Variants in MCOLN3 observed in about 807,000 individuals in gnomAD.
The protein encoded by MCOLN3 is mucolipin TRP cation channel 3.
In MCOLN3, 62 loss-of-function variants were observed where a neutral mutation model predicts 69.4. That is an observed-to-expected ratio of 0.89 (90% confidence interval 0.73 to 1.10). The LOEUF (loss-of-function observed/expected upper bound fraction) is 1.10, where lower values mean the gene tolerates loss of function less well. Ranked by LOEUF, MCOLN3 falls within the 50% of genes least tolerant of loss-of-function variation. The pLI is 0.00. For synonymous variants in MCOLN3, 183 were observed against 217.0 expected (o/e 0.84, Z 1.38); for missense variants, 564 against 656.4 (o/e 0.86, Z 1.54).
At chr1:85,038,465 C>G (rs1311831045) in intron 3 of MCOLN3, among the ~76,000 whole-genome samples, 1 of 152,050 alleles carries the variant, frequency 6.6e-6, no homozygotes, top group Non-Finnish European at 1.5e-5. Flanking sequence ...ATATAATAAA[C>G]AGTAGTGCTG....
At chr1:85,028,996 A>C (rs1652365882) in intron 7 of MCOLN3, 110 bp downstream of exon 7, 1 of 687,200 alleles carries the variant, frequency 1.5e-6, no homozygotes. Flanking sequence ...GGGACTTGAA[A>C]ATGGTCTAAT....
rs573413753 is a variant in MCOLN3, at chr1:85,034,147, G to A, written c.501C>T (p.Asn167=). Residue 167 remains asparagine, a synonymous_variant, in exon 4 of 13, where the codon AAC becomes AAT. Transcript: ENST00000370589. ...CAAAGGTATCATTTCCAGGGTAGAT[G>A]TTTCCTCGCTTGTAGAAGTGCTGAC... ...AICQHFYKRG[N]IYPGNDTFDI... is the part of the protein sequence containing the mutation. 1.8e-5 allele frequency: 29 copies of A among 1,614,216 alleles called. 1 individual carries two copies. The East Asian group carries it at 3.3e-4, about 19-fold the overall frequency.
chr1:85,047,988 G>C (rs1653461180), intron 1 of MCOLN3, among the ~76,000 whole-genome samples: 1 of 152,176 alleles, frequency 6.6e-6, no homozygotes, highest in South Asian at 2.1e-4. Context: ...CCTTGAAAGG[G>C]GCCAGCCGAG....
Position 85,022,175 on chromosome 1 carries a change from A to G in MCOLN3, c.1215T>C (p.Leu405=), listed in dbSNP as rs1379790146. 1.2e-6 allele frequency: 2 copies of G among 1,614,116 alleles called. No homozygotes were observed. Among genetic ancestry groups the G allele is most frequent in the Admixed American group, 3.3e-5 (2 of 60,008 alleles). The change falls in exon 11 of 13, where the codon CTT becomes CTC. Residue 405 remains leucine (L), a synonymous_variant. Transcript: ENST00000370589. ...TGATGACATTGGGCAGCGCTGCCTG[A>G]AGGGTCAAAATGAGGAGCTGGGAAA... ...FAKYNLLILT[L]QAALPNVIRF...
intron 1 of MCOLN3, among the ~76,000 whole-genome samples, chr1:85,046,306 TGGG>T (rs34361194): frequency 0.018 from 2,688 of 151,144 alleles, 24 homozygotes; most frequent in Non-Finnish European, 0.024. Context: ...CATATCTATT[TGGG>T]GGGGGGGGCA....
In MCOLN3 at chr1:85,019,037, ATAC is replaced by A. The variant is rs1354160753; in HGVS notation, c.*83_*85del. On this transcript the variant is annotated 3_prime_UTR_variant, in exon 13 of 13. Coordinates refer to ENST00000370589, the MANE Select transcript of MCOLN3 (RefSeq NM_018298.11). ...TAGCTCAAAATAACAGTCTTCAAAC[ATAC>A]TACATCTGATCTCAGAATATCCACA... The A allele has an allele frequency of 1.5e-6, 2 of 1,325,496 alleles. No homozygotes were observed. Among genetic ancestry groups the A allele is most frequent in the Non-Finnish European group, 2.1e-6 (2 of 960,394 alleles). 82.1% of individuals were successfully genotyped at this position (1,325,496 alleles called of 1,614,324 possible). A position where few individuals can be genotyped will look rare whatever the true frequency, so the allele number is the denominator to read the frequency against.
At chr1:85,032,605 T>C (rs1652593659) in intron 6 of MCOLN3, 91 bp downstream of exon 6, 1 of 942,266 alleles carries the variant, frequency 1.1e-6, no homozygotes, top group South Asian at 1.3e-5. Context: ...CTATATTTTT[T>C]TATCACACCG....
chr1:85,048,087 C>T (rs893618), intron 1 of MCOLN3, among the ~76,000 whole-genome samples: 19,803 of 152,294 alleles, frequency 0.13, 1,444 homozygotes, highest in East Asian at 0.25. Context: ...CCCTCTGAGC[C>T]CTGGCCACAG....
rs1651914051 is a variant in MCOLN3, at chr1:85,021,198, T to A, written c.1399A>T (p.Met467Leu). The A allele has an allele frequency of 2.5e-6, 4 of 1,613,904 alleles. No individual in the cohort carries two copies. Among genetic ancestry groups the A allele is most frequent in the Non-Finnish European group, 3.4e-6 (4 of 1,179,896 alleles). ...CAGACTAAGTAACTTTTTTGCTGCA[T>A]TTTTGCAAACGTGGCAAACATATCA... ...GDDMFATFAK[M>L]QQKSYLVWLF... Residue 467 changes from methionine (M) to leucine (L), a missense_variant, in exon 12 of 13, where the codon ATG (methionine) becomes TTG (leucine). Physicochemically the swap from Met to Leu is conservative, Grantham distance 15. Transcript: ENST00000370589.
At chr1:85,029,298 A>AT in intron 6 of MCOLN3, 93 bp from the exon 7 acceptor site, 1 of 724,546 alleles carries the variant, frequency 1.4e-6, no homozygotes, top group East Asian at 2.6e-5. Context: ...TTTCAAGGGG[A>AT]CAGGAGACCC....
At chr1:85,028,088 T>C (rs1354926715) in intron 7 of MCOLN3, among the ~76,000 whole-genome samples, 2 of 152,214 alleles carry the variant, frequency 1.3e-5, no homozygotes, top group African/African-American at 4.8e-5. Context: ...TATGCTGTCA[T>C]TTTCCTCATT....
chr1:85,032,324 C>T (rs1395557019), intron 6 of MCOLN3, among the ~76,000 whole-genome samples: 1 of 152,116 alleles, frequency 6.6e-6, no homozygotes, highest in African/African-American at 2.4e-5. Context: ...GTAACAAGAA[C>T]CCTTGGCAGT....
chr1:85,021,008 T>C, intron 12 of MCOLN3, 62 bp downstream of exon 12: 14 of 1,295,806 alleles, frequency 1.1e-5, no homozygotes, highest in Non-Finnish European at 1.5e-5. Flanking sequence ...AGGTACTGAA[T>C]TTTACTGCTA....
intron 7 of MCOLN3, among the ~76,000 whole-genome samples, chr1:85,027,060 C>T (rs1184586285): frequency 1.3e-5 from 2 of 151,922 alleles, no homozygotes; most frequent in Non-Finnish European, 2.9e-5. Flanking sequence ...AGGCCCATCT[C>T]CCTGCATATT....
At chr1:85,035,982 A>G (rs1442434967) in intron 3 of MCOLN3, among the ~76,000 whole-genome samples, 1 of 152,212 alleles carries the variant, frequency 6.6e-6, no homozygotes, top group Non-Finnish European at 1.5e-5. Flanking sequence ...TCACCTTGTC[A>G]GAGAGACCTT....
At chr1:85,045,433 C>G (rs992305291) in intron 1 of MCOLN3, 71 bp from the exon 2 acceptor site, 11 of 1,236,716 alleles carry the variant, frequency 8.9e-6, no homozygotes, top group Non-Finnish European at 1.0e-5. Flanking sequence ...AGTCCATATT[C>G]TTTAATATTG....
At chr1:85,029,397 C>A (rs1652392651) in intron 6 of MCOLN3, 192 bp from the exon 7 acceptor site, 5 of 548,196 alleles carry the variant, frequency 9.1e-6, no homozygotes, top group Non-Finnish European at 9.7e-6. Context: ...TGAACTAGAT[C>A]TTCTACAGAG....
intron 4 of MCOLN3, 83 bp from the exon 5 acceptor site, chr1:85,033,039 T>C: frequency 8.9e-7 from 1 of 1,121,066 alleles, no homozygotes. Context: ...AGACCAGTTA[T>C]TCAGATTCTA....
At chr1:85,044,923 C>T (rs192610923) in intron 2 of MCOLN3, among the ~76,000 whole-genome samples, 50 of 152,022 alleles carry the variant, frequency 3.3e-4, no homozygotes, top group Admixed American at 2.9e-3. Flanking sequence ...TATAACTTAG[C>T]GAACGATACA....
Sources: allele counts gnomAD v4.1 joint callset (sites outside exome capture counted in the v4.1 genomes callset), GRCh38; gene constraint gnomAD v4.1.1; transcripts MANE v1.5; gene names NCBI Gene and HGNC (gene_info 2026-07-23, HGNC 2026-07-21).